The following RBM44 variants were observed in gnomAD, a reference collection of about 807,000 sequenced individuals.
RBM44 encodes the protein RNA-binding protein 44.
A neutral mutation model predicts 105.1 loss-of-function variants in RBM44; 66 were observed. That is an observed-to-expected ratio of 0.63 (90% CI 0.52 to 0.77). RBM44 has a LOEUF of 0.77. RBM44 is among the 30% of genes least tolerant of loss of function. The probability of loss-of-function intolerance (pLI) is 0.00; values close to 1 mark genes in which losing one functional copy is unlikely to be tolerated. For missense variants in RBM44, 1,122 were observed against 1,207.8 expected (o/e 0.93, Z 1.05); for synonymous variants, 365 against 417.6 (o/e 0.87, Z 1.54).
chr2:237,824,141 G>T (rs2061822610), intron 9 of RBM44, 150 bp from the exon 10 acceptor site: 1 of 580,920 alleles, frequency 1.7e-6, no homozygotes, highest in Non-Finnish European at 2.6e-6. Flanking sequence ...CTTTTTGCTT[G>T]GTTCTCTTAT....
At chr2:237,837,599 T>C (rs2061972424) in intron 15 of RBM44, among the ~76,000 whole-genome samples, 1 of 152,216 alleles carries the variant, frequency 6.6e-6, no homozygotes, top group Admixed American at 6.5e-5. Flanking sequence ...ACTGAATTGC[T>C]GCAACCTCAT....
chr2:237,807,290 A>G (rs907202727), intron 1 of RBM44, among the ~76,000 whole-genome samples: 1 of 152,170 alleles, frequency 6.6e-6, no homozygotes, highest in African/African-American at 2.4e-5. Flanking sequence ...CTGAGATTAC[A>G]GGCACCTGCC....
chr2:237,815,756 C>G (rs1238986545), intron 2 of RBM44, among the ~76,000 whole-genome samples: 5 of 152,058 alleles, frequency 3.3e-5, no homozygotes, highest in South Asian at 2.1e-4. Context: ...ACTGCTCTCT[C>G]TCTTCCTCTT....
At chr2:237,810,167 A>G (rs1457021180) in intron 1 of RBM44, among the ~76,000 whole-genome samples, 2 of 152,200 alleles carry the variant, frequency 1.3e-5, no homozygotes, top group Non-Finnish European at 2.9e-5. Flanking sequence ...TGTGTTTTAC[A>G]CCTACAGAAC....
intron 1 of RBM44, among the ~76,000 whole-genome samples, chr2:237,811,758 A>G (rs1292193136): frequency 6.6e-6 from 1 of 151,164 alleles, no homozygotes; most frequent in African/African-American, 2.4e-5. Flanking sequence ...CATACATGGC[A>G]TTCTCAATTT....
At chr2:237,821,560 A>G (rs887417441) in intron 7 of RBM44, among the ~76,000 whole-genome samples, 183 bp from the exon 8 acceptor site, 1 of 152,086 alleles carries the variant, frequency 6.6e-6, no homozygotes, top group African/African-American at 2.4e-5. Context: ...CATGCATAGG[A>G]TGTGTACTAA....
chr2:237,837,504 G>T (rs115647240), intron 15 of RBM44, among the ~76,000 whole-genome samples: 1 of 152,142 alleles, frequency 6.6e-6, no homozygotes, highest in Non-Finnish European at 1.5e-5. Flanking sequence ...ACTTTAAGGG[G>T]TTCAAGACTT....
chr2:237,834,092 C>A lies in RBM44; in HGVS notation c.2982C>A (p.Ser994Arg), dbSNP rs748036092. 3 of 1,582,990 alleles carry A rather than the reference C, an allele frequency of 1.9e-6. No individual in the cohort carries two copies. The highest frequency in any genetic ancestry group is 2.3e-5 in the South Asian group (2 of 86,542). The change falls in exon 14 of 16, where the codon AGC (serine) becomes AGA (arginine). Residue 994 changes from serine (S) to arginine (R), a missense_variant. Ser to Arg is a moderately radical substitution (Grantham distance 110). This residue lies in a region of RBM44 where 194 missense variants were observed against 225.5 expected (regional missense o/e 0.86). Coordinates refer to ENST00000316997, the MANE Select transcript of RBM44 (RefSeq NM_001080504.3). ...FIPPNTLNLR[S>R]FTKIIKRLAE... is the part of the protein sequence containing the mutation. The stretch of plus-strand genomic sequence containing the variant: ...CTCCAAATACATTGAACCTTCGTAG[C>A]TTTACCAAGATCATAAAGAGACTGG...
Position 237,827,830 on chromosome 2 carries a change from A to G in RBM44, c.2600+327A>G, listed in dbSNP as rs558383878. 6.7e-4 allele frequency among the ~76,000 whole-genome samples: 102 copies of G among 152,302 alleles called. 1 individual carries two copies. The highest frequency in any genetic ancestry group is 3.6e-3 in the Admixed American group (55 of 15,286). On this transcript the variant is annotated intron_variant, in intron 12 of 15. Coordinates refer to ENST00000316997, the MANE Select transcript of RBM44 (RefSeq NM_001080504.3). ...AGAACGGCTTCCAGAAATAGATAAC[A>G]TCGGTTCAATTCCCAGCTCTGTCAA... is the stretch of plus-strand genomic sequence containing the variant.
chr2:237,842,000 C>G lies in RBM44; in HGVS notation c.*184C>G, dbSNP rs1348765845. 1 of 151,896 alleles carries G rather than the reference C, an allele frequency of 6.6e-6. No homozygotes were observed. The highest frequency in any genetic ancestry group is 2.4e-5 in the African/African-American group (1 of 41,384). 9.4% of individuals were successfully genotyped at this position (151,896 alleles called of 1,614,324 possible). A position where few individuals can be genotyped will look rare whatever the true frequency, so the allele number is the denominator to read the frequency against. On this transcript the variant is annotated 3_prime_UTR_variant, in exon 16 of 16. Transcript: ENST00000316997. The surrounding 1 kb of genome is among the most constrained non-coding windows in gnomAD (Gnocchi z 4.5). The stretch of plus-strand genomic sequence containing the variant: ...TCCTTTAAAATCTAGCAACAGTTGT[C>G]TATACAATATTAAGATCTTCTCTAT...
At chr2:237,829,947 C>T (rs2061887761) in intron 13 of RBM44, among the ~76,000 whole-genome samples, 1 of 152,130 alleles carries the variant, frequency 6.6e-6, no homozygotes, top group Admixed American at 6.5e-5. Context: ...TCTTTTCTCT[C>T]CACTGCTCAG....
intron 5 of RBM44, chr2:237,820,857 G>A: frequency 2.4e-6 from 1 of 420,070 alleles, no homozygotes; most frequent in Non-Finnish European, 4.2e-6. Flanking sequence ...AGACCAATGT[G>A]GGCAACATAA....
intron 13 of RBM44, among the ~76,000 whole-genome samples, chr2:237,832,072 T>A (rs2061909486): frequency 6.6e-6 from 1 of 152,198 alleles, no homozygotes. Context: ...CATTTGGCTT[T>A]GTTTTGCTTG....
chr2:237,830,880 CTT>C (rs2061896312), intron 13 of RBM44, among the ~76,000 whole-genome samples: 1 of 151,648 alleles, frequency 6.6e-6, no homozygotes, highest in African/African-American at 2.4e-5. Flanking sequence ...TATTTAGTCT[CTT>C]TGCCTTGCTG....
chr2:237,807,602 A>G (rs939708423), intron 1 of RBM44, among the ~76,000 whole-genome samples: 1 of 152,184 alleles, frequency 6.6e-6, no homozygotes, highest in Non-Finnish European at 1.5e-5. Context: ...CAAATTTAGA[A>G]GAAATGATTT....
At position 237,817,245 on chromosome 2, in the gene RBM44, A is replaced by C; in HGVS notation, c.326A>C (p.Asn109Thr). ...GACAGTACTGACTATGCTTTCTTGA[A>C]TAAAACATATTCTATACCTTATTCA... ...LEDSTDYAFL[N>T]KTYSIPYSES... The change falls in exon 3 of 16, where the codon AAT (asparagine) becomes ACT (threonine). Residue 109 changes from asparagine to threonine, a missense_variant. By Grantham distance (65) the Asn-to-Thr change is moderately conservative. Around this residue, in one of 3 missense-constraint regions of RBM44, gnomAD observed 918 missense variants for 955.3 expected, o/e 0.96. Transcript: ENST00000316997. 1 of 1,605,016 alleles carries C rather than the reference A, an allele frequency of 6.2e-7. No homozygotes were observed. Among genetic ancestry groups the C allele is most frequent in the Admixed American group, 1.7e-5 (1 of 57,584 alleles).
intron 1 of RBM44, among the ~76,000 whole-genome samples, chr2:237,807,195 A>C (rs1045261781): frequency 2.0e-5 from 3 of 152,082 alleles, no homozygotes; most frequent in South Asian, 2.1e-4. Context: ...GTTGCCCAGG[A>C]TGGAGTGCAG....
chr2:237,817,140 T>C lies in RBM44; in HGVS notation c.221T>C (p.Met74Thr), dbSNP rs757248327. 3 of 1,608,618 alleles carry C rather than the reference T, an allele frequency of 1.9e-6. No individual in the cohort carries two copies. The East Asian group carries it at 6.7e-5, about 36-fold the overall frequency. ...NNKEISNIDK[M>T]DLLEPFFSVS... The stretch of plus-strand genomic sequence containing the variant: ...AAAGAAATCAGCAATATTGACAAAA[T>C]GGATTTATTAGAGCCATTTTTTTCA... The change falls in exon 3 of 16, where the codon ATG becomes ACG. Residue 74 changes from methionine (M) to threonine (T), a missense_variant. By Grantham distance (81) the Met-to-Thr change is moderately conservative. Transcript: ENST00000316997.
At chr2:237,819,199 T>C (rs537732114) in intron 4 of RBM44, among the ~76,000 whole-genome samples, 16 of 152,212 alleles carry the variant, frequency 1.1e-4, no homozygotes, top group African/African-American at 3.1e-4. Context: ...TCTTTACTTG[T>C]TCAACCCAAA....
Sources: allele counts gnomAD v4.1 joint callset (sites outside exome capture counted in the v4.1 genomes callset), GRCh38; gene constraint gnomAD v4.1.1; regional missense constraint gnomAD v4.1.1; non-coding constraint Gnocchi (gnomAD v3.1); transcripts MANE v1.5; gene names NCBI Gene and HGNC (gene_info 2026-07-23, HGNC 2026-07-21).